The following NEGR1 variants were observed in gnomAD, a reference collection of about 807,000 sequenced individuals.
The protein encoded by NEGR1 is neuronal growth regulator 1.
Under a neutral mutation model 40.9 loss-of-function variants are expected in NEGR1, and 10 were observed. The observed-to-expected ratio is 0.24, with a 90% CI of 0.15 to 0.42. The LOEUF (loss-of-function observed/expected upper bound fraction) is 0.42, where lower values mean the gene tolerates loss of function less well. NEGR1 is among the 10% of genes least tolerant of loss of function. The probability of loss-of-function intolerance (pLI) is 1.00; values close to 1 mark genes in which losing one functional copy is unlikely to be tolerated. For synonymous variants in NEGR1, 185 were observed against 166.8 expected (o/e 1.11, Z -0.84); for missense variants, 352 against 438.9 (o/e 0.80, Z 1.77).
At chr1:72,219,068 TCC>T (rs1653924366) in intron 1 of NEGR1, among the ~76,000 whole-genome samples, 2 of 152,034 alleles carry the variant, frequency 1.3e-5, no homozygotes, top group South Asian at 2.1e-4. Flanking sequence ...TAATACAGTA[TCC>T]ATCATACTGA....
At chr1:72,116,943 A>T (rs1017483463) in intron 1 of NEGR1, among the ~76,000 whole-genome samples, 19 of 151,812 alleles carry the variant, frequency 1.3e-4, no homozygotes, top group Admixed American at 4.6e-4. Context: ...GTTCATTAAT[A>T]GCTTAGTGCC....
Position 71,404,496 on chromosome 1 carries a change from C to T in NEGR1, c.*2950G>A, listed in dbSNP as rs993187424. The T allele has an allele frequency of 2.6e-5, 4 of 151,694 alleles. No individual in the cohort carries two copies. Among genetic ancestry groups the T allele is most frequent in the African/African-American group, 9.7e-5 (4 of 41,320 alleles). The allele number at this position is 151,694 out of a possible 1,614,324, so 9.4% of individuals were successfully genotyped here. ...AGAATGCAAATGTGTAAGTTAACTA[C>T]CCTAATACTCTGATTCTTCCTTCCC... is the stretch of plus-strand genomic sequence containing the variant. On this transcript the variant is annotated 3_prime_UTR_variant, in exon 7 of 7. Coordinates refer to ENST00000357731, the MANE Select transcript of NEGR1 (RefSeq NM_173808.3).
chr1:71,995,340 G>T (rs1937185), intron 1 of NEGR1, among the ~76,000 whole-genome samples: 81,232 of 151,756 alleles, frequency 0.54, 23,060 homozygotes, highest in African/African-American at 0.72. Flanking sequence ...CCATGAAGGA[G>T]GTATGAAAAA....
intron 1 of NEGR1, among the ~76,000 whole-genome samples, chr1:72,216,382 T>C (rs866686506): frequency 9.8e-5 from 9 of 92,128 alleles, no homozygotes; most frequent in East Asian, 4.4e-4. Context: ...TATATATATA[T>C]ACATATATAT....
intron 6 of NEGR1, among the ~76,000 whole-genome samples, chr1:71,592,106 T>G (rs984277661): frequency 6.6e-6 from 1 of 152,110 alleles, no homozygotes; most frequent in Non-Finnish European, 1.5e-5. Flanking sequence ...AAGAATATTT[T>G]GTGGCTGCAA....
intron 1 of NEGR1, among the ~76,000 whole-genome samples, chr1:72,146,822 C>A (rs1650928144): frequency 6.6e-6 from 1 of 152,144 alleles, no homozygotes; most frequent in Non-Finnish European, 1.5e-5. Flanking sequence ...CAGTAGGTTG[C>A]CTAAGTGCAC....
intron 1 of NEGR1, among the ~76,000 whole-genome samples, chr1:72,189,482 C>T (rs1191224752): frequency 1.3e-5 from 2 of 151,474 alleles, no homozygotes; most frequent in African/African-American, 4.8e-5. Flanking sequence ...TACCTCTGTT[C>T]TGAGCTCCCA....
At chr1:72,056,826 T>A (rs72680867) in intron 1 of NEGR1, among the ~76,000 whole-genome samples, 2,085 of 151,632 alleles carry the variant, frequency 0.014, 30 homozygotes, top group Non-Finnish European at 0.022. Flanking sequence ...TTTCTCTGCT[T>A]GCCCACTGAA....
At chr1:71,452,657 A>G (rs1176616817) in intron 6 of NEGR1, among the ~76,000 whole-genome samples, 2 of 152,106 alleles carry the variant, frequency 1.3e-5, no homozygotes, top group African/African-American at 4.8e-5. Context: ...TTTCCTTACC[A>G]TAAGGTTTTG....
chr1:71,470,084 C>A (rs1047098193), intron 6 of NEGR1, among the ~76,000 whole-genome samples: 4 of 152,038 alleles, frequency 2.6e-5, no homozygotes, highest in Non-Finnish European at 4.4e-5. Context: ...TTGGTCATAT[C>A]TTTTTTCCAA....
At chr1:71,964,613 T>A (rs1053994462) in intron 1 of NEGR1, among the ~76,000 whole-genome samples, 2 of 152,136 alleles carry the variant, frequency 1.3e-5, no homozygotes, top group African/African-American at 4.8e-5. Context: ...TAAGCAGACA[T>A]AAGCCAACCT....
At chr1:71,690,619 C>CAGACAGAGAGAG (rs1653238238) in intron 4 of NEGR1, among the ~76,000 whole-genome samples, 1 of 67,586 alleles carries the variant, frequency 1.5e-5, no homozygotes, top group African/African-American at 5.3e-5. Flanking sequence ...TAGAGGGAGA[C>CAGACAGAGAGAG]AGAGAGAGAG....
At chr1:71,923,788 A>G (rs1019401560) in intron 2 of NEGR1, among the ~76,000 whole-genome samples, 2 of 152,076 alleles carry the variant, frequency 1.3e-5, no homozygotes, top group East Asian at 1.9e-4. Context: ...CAGCACATCA[A>G]TCTGGCCTAC....
chr1:71,926,905 A>G (rs923898562), intron 2 of NEGR1, among the ~76,000 whole-genome samples: 2 of 152,170 alleles, frequency 1.3e-5, no homozygotes, highest in Non-Finnish European at 2.9e-5. Flanking sequence ...TTTTGGAAGT[A>G]AAATACTATT....
intron 4 of NEGR1, among the ~76,000 whole-genome samples, chr1:71,677,841 C>A (rs995476488): frequency 6.6e-6 from 1 of 151,966 alleles, no homozygotes; most frequent in African/African-American, 2.4e-5. Context: ...ATCTGAGACT[C>A]GAGTTGTGAA....
chr1:71,838,270 G>A (rs893607158), intron 2 of NEGR1, among the ~76,000 whole-genome samples: 1 of 152,090 alleles, frequency 6.6e-6, no homozygotes, highest in Non-Finnish European at 1.5e-5. Context: ...GCACTGCTCT[G>A]CCACATGGCT....
At chr1:71,697,160 C>T (rs1217578820) in intron 4 of NEGR1, among the ~76,000 whole-genome samples, 3 of 151,722 alleles carry the variant, frequency 2.0e-5, no homozygotes, top group African/African-American at 4.8e-5. Context: ...CATAATACCA[C>T]GTGCACATTA....
chr1:72,260,641 A>G lies in NEGR1; in HGVS notation c.176+21678T>C, dbSNP rs190199341. ...CTATTACTCTGTCAGATACTTTTCAAACTGACTAACTTGCCCCAGTAAAAT... is the reference window on the plus strand; with the variant it reads ...CTATTACTCTGTCAGATACTTTTCAGACTGACTAACTTGCCCCAGTAAAAT... On this transcript the variant is annotated intron_variant, in intron 1 of 6. Transcript: ENST00000357731. Among the ~76,000 whole-genome samples, 512 of 152,124 alleles carry G rather than the reference A, an allele frequency of 3.4e-3. 2 individuals are homozygous for G. The highest frequency in any genetic ancestry group is 5.1e-3 in the Non-Finnish European group (348 of 67,946).
At chr1:71,510,141 A>T (rs1647063085) in intron 6 of NEGR1, among the ~76,000 whole-genome samples, 1 of 152,206 alleles carries the variant, frequency 6.6e-6, no homozygotes, top group South Asian at 2.1e-4. Flanking sequence ...TTCAATCCTT[A>T]TATCTCTCAT....
Sources: gnomAD v4.1 joint callset for allele counts (sites outside exome capture counted in the v4.1 genomes callset) on GRCh38, gnomAD v4.1.1 for gene constraint, MANE v1.5 for transcripts, NCBI Gene and HGNC (gene_info 2026-07-23, HGNC 2026-07-21) for gene names.